ARHGEF11: variants seen among roughly 807,000 people sequenced by gnomAD.
The protein encoded by ARHGEF11 is Rho guanine nucleotide exchange factor 11, also known as Rho guanine exchange factor (GEF) 11.
ARHGEF11 carries 55 observed loss-of-function variants against 193.7 expected under a neutral mutation model. That is an observed-to-expected ratio of 0.28 (90% CI 0.23 to 0.36). ARHGEF11 has a LOEUF of 0.36. Ranked by LOEUF, ARHGEF11 falls within the 10% of genes least tolerant of loss-of-function variation. ARHGEF11 has a pLI of 1.00. For synonymous variants in ARHGEF11, 693 were observed against 768.0 expected, an observed-to-expected ratio of 0.90 and a Z score of 1.62; for missense variants, 1,723 against 2,005.6, an observed-to-expected ratio of 0.86 and a Z score of 2.69.
At chr1:156,937,883 T>A (rs984836648) in intron 38 of ARHGEF11, among the ~76,000 whole-genome samples, 11 of 152,166 alleles carry the variant, frequency 7.2e-5, no homozygotes, top group African/African-American at 2.7e-4. Flanking sequence ...ACTCCAGCTC[T>A]GGATGAACTA....
In ARHGEF11 at chr1:157,045,577, C is replaced by T. The variant is rs1363826506; in HGVS notation, c.-1247G>A. The stretch of plus-strand genomic sequence containing the variant: ...TCGCCTAATCTCGCAGGCAGGAGCC[C>T]GCAGTGCCTCGCGCAGGACGCCCGG... On this transcript the variant is annotated 5_prime_UTR_variant, in exon 1 of 41. Transcript: ENST00000368194. Among the ~76,000 whole-genome samples, 2 of 151,884 alleles carry T rather than the reference C, an allele frequency of 1.3e-5. No individual in the cohort carries two copies. The highest frequency in any genetic ancestry group is 2.4e-5 in the African/African-American group (1 of 41,414).
intron 10 of ARHGEF11, among the ~76,000 whole-genome samples, chr1:156,968,786 T>C (rs990079401): frequency 1.3e-5 from 2 of 152,238 alleles, no homozygotes; most frequent in Non-Finnish European, 2.9e-5. Flanking sequence ...CTGGAAGAGA[T>C]AACCTTTGAG....
At position 156,943,991 on chromosome 1, in the gene ARHGEF11, T is replaced by G; in HGVS notation, c.3179A>C (p.Gln1060Pro). 1 of 1,614,202 alleles carries G rather than the reference T, an allele frequency of 6.2e-7. No individual in the cohort carries two copies. ...GAGCTTGAGCACGGGGCTGAAGGTC[T>G]GCTTGCTGTCTGAGGAGCCCACAGC... ...KTAVGSSDSKQTFSPVLKLNA... is the reference protein window; with the variant it reads ...KTAVGSSDSKPTFSPVLKLNA... Residue 1060 changes from glutamine (Q) to proline (P), a missense_variant, in exon 32 of 41, where the codon CAG (glutamine) becomes CCG (proline). Gln to Pro is a moderately conservative substitution (Grantham distance 76). Coordinates refer to ENST00000368194, the MANE Select transcript of ARHGEF11 (RefSeq NM_198236.3).
chr1:156,955,027 C>A lies in ARHGEF11; in HGVS notation c.1769-106G>T, dbSNP rs962971866. The A allele has an allele frequency of 4.1e-6, 4 of 973,170 alleles. No homozygotes were observed. In the African/African-American group the frequency reaches 4.9e-5, roughly 12 times the overall value. 60.3% of individuals were successfully genotyped at this position (973,170 alleles called of 1,614,324 possible). A position where few individuals can be genotyped will look rare whatever the true frequency, so the allele number is the denominator to read the frequency against. ...AAGCCAAAAAATTAAAAGGTAGTGGCGAAAATCAAGGCTGATCTAGAAGAA... is the reference window on the plus strand; with the variant it reads ...AAGCCAAAAAATTAAAAGGTAGTGGAGAAAATCAAGGCTGATCTAGAAGAA... On this transcript the variant is annotated intron_variant, in intron 20 of 40. Coordinates refer to ENST00000368194, the MANE Select transcript of ARHGEF11 (RefSeq NM_198236.3).
At chr1:157,013,299 A>ACACACACACACACACACACACACAC (rs534893600) in intron 1 of ARHGEF11, among the ~76,000 whole-genome samples, 3 of 148,624 alleles carry the variant, frequency 2.0e-5, no homozygotes, top group Admixed American at 6.7e-5. Flanking sequence ...ACACACACAC[A>ACACACACACACACACACACACACAC]CCAAGAACCT....
At chr1:156,951,887 G>T (rs1659167730) in intron 21 of ARHGEF11, among the ~76,000 whole-genome samples, 188 bp from the exon 22 acceptor site, 1 of 152,138 alleles carries the variant, frequency 6.6e-6, no homozygotes, top group African/African-American at 2.4e-5. Context: ...GCCCTGGGCA[G>T]TCACACTACC....
At position 156,939,915 on chromosome 1, in the gene ARHGEF11, AG is replaced by A; in HGVS notation, c.3734-6del. 6.3e-7 allele frequency: 1 copy of A among 1,599,852 alleles called. No individual in the cohort carries two copies. Among genetic ancestry groups the A allele is most frequent in the Non-Finnish European group, 8.5e-7 (1 of 1,179,104 alleles). ...TCAGATGTCGCAGGTTCTCCACTGG[AG>A]GGGAAACAGGGTGATGTCTTCCCAG... On this transcript the variant is annotated splice_polypyrimidine_tract_variant and splice_region_variant and intron_variant, in intron 36 of 40. Transcript: ENST00000368194.
chr1:156,955,805 G>C lies in ARHGEF11; in HGVS notation c.1672-6C>G. ...TCTTTCTTGGAATTGCTGCTCTGCT[G>C]AGACAGGAGACACTGGTGTTTGCAG... is the stretch of plus-strand genomic sequence containing the variant. On this transcript the variant is annotated splice_region_variant and splice_polypyrimidine_tract_variant and intron_variant, in intron 19 of 40. Coordinates refer to ENST00000368194, the MANE Select transcript of ARHGEF11 (RefSeq NM_198236.3). 1 of 1,611,026 alleles carries C rather than the reference G, an allele frequency of 6.2e-7. No homozygotes were observed.
At chr1:157,003,847 A>G (rs1427324011) in intron 1 of ARHGEF11, among the ~76,000 whole-genome samples, 1 of 152,250 alleles carries the variant, frequency 6.6e-6, no homozygotes, top group Non-Finnish European at 1.5e-5. Flanking sequence ...TAGCTATAGC[A>G]GAAGTAACTA....
chr1:156,961,647 A>C, intron 14 of ARHGEF11, 30 bp downstream of exon 14: 1 of 1,596,904 alleles, frequency 6.3e-7, no homozygotes, highest in East Asian at 2.2e-5. Context: ...GAATATGATA[A>C]AATTATAATC....
rs1440444269 is a variant in ARHGEF11, at chr1:156,948,110, T to C, written c.2153+71A>G. 1 of 1,536,234 alleles carries C rather than the reference T, an allele frequency of 6.5e-7. No homozygotes were observed. The highest frequency in any genetic ancestry group is 1.4e-5 in the African/African-American group (1 of 72,764). On this transcript the variant is annotated intron_variant, in intron 24 of 40. Transcript: ENST00000368194. The surrounding 1 kb of genome is among the most constrained non-coding windows in gnomAD (Gnocchi z 4.2). Reference sequence around the variant, plus strand: ...AGCCACCCAACCAGCCCCTTGCAGGTGAGAGGAGCAGCTGGGTGTGGATGG... The same window carrying C: ...AGCCACCCAACCAGCCCCTTGCAGGCGAGAGGAGCAGCTGGGTGTGGATGG...
chr1:157,020,125 G>GA (rs200320955), intron 1 of ARHGEF11, among the ~76,000 whole-genome samples: 66,389 of 136,616 alleles, frequency 0.49, 15,807 homozygotes, highest in Middle Eastern at 0.69. Context: ...CTCTGTCTCA[G>GA]AAAAAAAAAA....
chr1:156,942,604 C>A (rs1278847691), intron 33 of ARHGEF11, 86 bp downstream of exon 33: 9 of 1,262,952 alleles, frequency 7.1e-6, no homozygotes, highest in Middle Eastern at 1.9e-4. Context: ...GGGCCCAAAC[C>A]TGGCCTTGCT....
At chr1:156,956,359 C>T (rs1410198754) in intron 19 of ARHGEF11, 61 bp downstream of exon 19, 8 of 1,577,620 alleles carry the variant, frequency 5.1e-6, no homozygotes, top group African/African-American at 4.0e-5. Flanking sequence ...CAGGCAATCA[C>T]CCGCCTTGGC....
chr1:157,022,555 A>G (rs1037575476), intron 1 of ARHGEF11, among the ~76,000 whole-genome samples: 9 of 152,224 alleles, frequency 5.9e-5, no homozygotes, highest in African/African-American at 2.2e-4. Flanking sequence ...ATCCATGTTT[A>G]TGGGTTGGAA....
At chr1:156,980,791 G>A (rs74808620) in intron 3 of ARHGEF11, among the ~76,000 whole-genome samples, 11,508 of 125,656 alleles carry the variant, frequency 0.092, 547 homozygotes, top group Admixed American at 0.17. Flanking sequence ...TGCTTCATTC[G>A]AGTGTATCTG....
chr1:156,958,718 G>A (rs779923220), intron 17 of ARHGEF11, 24 bp downstream of exon 17: 3 of 1,614,080 alleles, frequency 1.9e-6, no homozygotes, highest in Non-Finnish European at 2.5e-6. Context: ...GTTCAGTGGG[G>A]TGGGAGGAAG....
chr1:156,958,856 C>T lies in ARHGEF11; in HGVS notation c.1388G>A (p.Arg463His), dbSNP rs749533536. Residue 463 changes from arginine (R) to histidine (H), a missense_variant, in exon 17 of 41, where the codon CGC becomes CAC. Transcript: ENST00000368194. Reference sequence around the variant, plus strand: ...ATACAGGCTGCCCAGCCCCAGTGTGCGCTTCGTTCTAAGCCAGATAAACAC... The same window carrying T: ...ATACAGGCTGCCCAGCCCCAGTGTGTGCTTCGTTCTAAGCCAGATAAACAC... ...QEQIHDYRTKRTLGLGSLYGE... is the reference protein window; with the variant it reads ...QEQIHDYRTKHTLGLGSLYGE... 2.6e-5 allele frequency: 42 copies of T among 1,614,064 alleles called. No homozygotes were observed. Among genetic ancestry groups the T allele is most frequent in the Admixed American group, 3.3e-5 (2 of 60,004 alleles).
Position 156,939,846 on chromosome 1 carries a change from A to G in ARHGEF11, c.3798T>C (p.Ala1266=). 1 of 1,612,394 alleles carries G rather than the reference A, an allele frequency of 6.2e-7. No individual in the cohort carries two copies. The highest frequency in any genetic ancestry group is 1.1e-5 in the South Asian group (1 of 91,086). The stretch of plus-strand genomic sequence containing the variant: ...TCAGGTCGTCCTCGGGCTCCTGGGC[A>G]GCCTGAGTTTCCATGGTGTGACCTG... The part of the protein sequence containing the change: ...LLPGHTMETQ[A]AQEPEDDLTP... The change falls in exon 37 of 41, where the codon GCT becomes GCC. Residue 1266 remains alanine, a synonymous_variant. Coordinates refer to ENST00000368194, the MANE Select transcript of ARHGEF11 (RefSeq NM_198236.3).
Sources: gnomAD v4.1 joint callset for allele counts (sites outside exome capture counted in the v4.1 genomes callset) on GRCh38, gnomAD v4.1.1 for gene constraint, Gnocchi (gnomAD v3.1) non-coding constraint, MANE v1.5 for transcripts, NCBI Gene and HGNC (gene_info 2026-07-23, HGNC 2026-07-21) for gene names.